The following PRKG1 variants were observed in gnomAD, a reference collection of about 807,000 sequenced individuals.
PRKG1 encodes the protein cGMP-dependent protein kinase 1.
PRKG1 carries 35 observed loss-of-function variants against 88.1 expected under a neutral mutation model. That is an observed-to-expected ratio of 0.40 (90% CI 0.30 to 0.53). The LOEUF (loss-of-function observed/expected upper bound fraction) is 0.53. Among genes scored for constraint, PRKG1 ranks in the 20% least tolerant of loss-of-function variants. The pLI, the probability that PRKG1 is intolerant of heterozygous loss-of-function variation, is 0.59. For synonymous variants in PRKG1, 303 were observed against 292.5 expected, an observed-to-expected ratio of 1.04 and a Z score of -0.37; for missense variants, 540 against 839.8, an observed-to-expected ratio of 0.64 and a Z score of 4.41.
chr10:52,160,486 A>T (rs534626694), intron 8 of PRKG1, among the ~76,000 whole-genome samples: 1 of 151,872 alleles, frequency 6.6e-6, no homozygotes, highest in Non-Finnish European at 1.5e-5. Flanking sequence ...GGGTCCCTTT[A>T]TGTATAGAAA....
chr10:51,945,788 C>T (rs1254580284), intron 5 of PRKG1, among the ~76,000 whole-genome samples: 2 of 151,688 alleles, frequency 1.3e-5, no homozygotes, highest in South Asian at 2.1e-4. Context: ...TTGGCCCCCA[C>T]TCTCTTCTGG....
chr10:51,637,170 A>T (rs532886424), intron 3 of PRKG1, among the ~76,000 whole-genome samples: 83 of 152,358 alleles, frequency 5.4e-4, no homozygotes, highest in African/African-American at 1.9e-3. Context: ...ATATGGAAAA[A>T]AAAAGCTCAA....
chr10:51,323,962 A>G (rs1359221681), intron 2 of PRKG1, among the ~76,000 whole-genome samples: 1 of 152,230 alleles, frequency 6.6e-6, no homozygotes, highest in Non-Finnish European at 1.5e-5. Context: ...TAAAAATAAA[A>G]TAAAATAATT....
intron 5 of PRKG1, among the ~76,000 whole-genome samples, chr10:52,016,418 A>G (rs901158631): frequency 1.3e-5 from 2 of 152,192 alleles, no homozygotes; most frequent in Non-Finnish European, 2.9e-5. Context: ...AACTGCCCCC[A>G]TGATCCAGTC....
intron 10 of PRKG1, among the ~76,000 whole-genome samples, chr10:52,266,607 C>A (rs1176622647): frequency 1.3e-5 from 2 of 151,990 alleles, no homozygotes; most frequent in East Asian, 3.9e-4. Flanking sequence ...AATCCTTACT[C>A]ATCTACTTGT....
chr10:51,802,898 C>A (rs11817240), intron 3 of PRKG1, among the ~76,000 whole-genome samples: 3,116 of 152,208 alleles, frequency 0.02, 47 homozygotes, highest in South Asian at 0.056. Context: ...ACCCCCAAAC[C>A]GTGCAGCAAC....
intron 2 of PRKG1, among the ~76,000 whole-genome samples, chr10:51,210,092 G>T (rs1273444081): frequency 6.6e-6 from 1 of 151,962 alleles, no homozygotes; most frequent in Admixed American, 6.6e-5. Flanking sequence ...AAATGTAAAA[G>T]AACAGAAATT....
At chr10:51,495,371 A>T (rs1840823635) in intron 3 of PRKG1, among the ~76,000 whole-genome samples, 1 of 152,246 alleles carries the variant, frequency 6.6e-6, no homozygotes, top group Admixed American at 6.5e-5. Flanking sequence ...TTGGGATTGC[A>T]GGCGTGAGCC....
At chr10:51,824,210 C>A (rs143287596) in intron 4 of PRKG1, among the ~76,000 whole-genome samples, 3 of 152,202 alleles carry the variant, frequency 2.0e-5, no homozygotes, top group Admixed American at 2.0e-4. Flanking sequence ...TGATAAATTC[C>A]TTATAGGTCT....
chr10:51,704,050 T>G (rs978983774), intron 3 of PRKG1, among the ~76,000 whole-genome samples: 1 of 151,386 alleles, frequency 6.6e-6, no homozygotes, highest in Non-Finnish European at 1.5e-5. Flanking sequence ...AGGCCAAGGT[T>G]TGAGGATTGC....
intron 12 of PRKG1, among the ~76,000 whole-genome samples, chr10:52,275,924 TTTTG>T (rs1206406156): frequency 6.6e-6 from 1 of 152,036 alleles, no homozygotes; most frequent in Non-Finnish European, 1.5e-5. Context: ...GTTTTTGGTT[TTTTG>T]TTTGTTTGTT....
intron 2 of PRKG1, among the ~76,000 whole-genome samples, chr10:51,386,994 A>C (rs1837268499): frequency 2.6e-5 from 4 of 152,338 alleles, no homozygotes; most frequent in Admixed American, 2.6e-4. Context: ...GTCCTCACCC[A>C]CCAAGCTATT....
chr10:51,737,743 T>TTATTA (rs1554837026), intron 3 of PRKG1, among the ~76,000 whole-genome samples: 1 of 105,690 alleles, frequency 9.5e-6, no homozygotes, highest in East Asian at 2.8e-4. Context: ...ATTTATTAAT[T>TTATTA]ATTATTATTA....
At chr10:51,437,243 T>C (rs921640969) in intron 2 of PRKG1, among the ~76,000 whole-genome samples, 1 of 152,030 alleles carries the variant, frequency 6.6e-6, no homozygotes, top group Non-Finnish European at 1.5e-5. Flanking sequence ...TTTATTCTCA[T>C]AGAGAAAATA....
chr10:51,207,800 A>G (rs1342792644), intron 2 of PRKG1, among the ~76,000 whole-genome samples: 1 of 152,102 alleles, frequency 6.6e-6, no homozygotes. Context: ...TAATTCTACT[A>G]CTTGGTTGTT....
At chr10:51,080,223 C>T (rs557379300) in intron 1 of PRKG1, among the ~76,000 whole-genome samples, 1 of 152,080 alleles carries the variant, frequency 6.6e-6, no homozygotes, top group Non-Finnish European at 1.5e-5. Flanking sequence ...TTGCATGCCC[C>T]CAAAATGGGT....
intron 5 of PRKG1, among the ~76,000 whole-genome samples, chr10:52,049,772 A>C (rs1189801700): frequency 1.3e-5 from 2 of 152,038 alleles, no homozygotes; most frequent in African/African-American, 4.8e-5. Context: ...AATATTAATG[A>C]TGGGGATTAA....
In PRKG1 at chr10:51,452,366, T is replaced by C. The variant is rs188143649; in HGVS notation, c.479-15357T>C. ...GTACAAGTGGGGATCCTTGTCTTTT[T>C]TCAGTTCTCAGGGGGAATGCTTTCA... is the stretch of plus-strand genomic sequence containing the variant. On this transcript the variant is annotated intron_variant, in intron 2 of 17. Transcript: ENST00000373980. Among the ~76,000 whole-genome samples, 907 of 152,034 alleles carry C rather than the reference T, an allele frequency of 6.0e-3. 17 individuals are homozygous for C. The highest frequency in any genetic ancestry group is 9.4e-3 in the Admixed American group (144 of 15,242).
intron 4 of PRKG1, among the ~76,000 whole-genome samples, chr10:51,893,789 T>G (rs1404041770): frequency 6.6e-6 from 1 of 152,186 alleles, no homozygotes; most frequent in African/African-American, 2.4e-5. Context: ...CTAAGGAAGC[T>G]TCTCGGCTTT....
Sources: gnomAD v4.1 joint callset for allele counts (sites outside exome capture counted in the v4.1 genomes callset) on GRCh38, gnomAD v4.1.1 for gene constraint, MANE v1.5 for transcripts, NCBI Gene and HGNC (gene_info 2026-07-23, HGNC 2026-07-21) for gene names.